LINGO1: variants seen among roughly 807,000 people sequenced by gnomAD.
LINGO1 encodes the protein leucine-rich repeat and immunoglobulin-like domain-containing nogo receptor-interacting protein 1.
A neutral mutation model predicts 37.3 loss-of-function variants in LINGO1; 11 were observed. That is an observed-to-expected ratio of 0.29 (90% confidence interval 0.19 to 0.49). The LOEUF is 0.49. Among genes scored for constraint, LINGO1 ranks in the 20% least tolerant of loss-of-function variants. LINGO1 has a pLI of 0.99. For missense variants in LINGO1, 585 were observed against 878.2 expected, an observed-to-expected ratio of 0.67 and a Z score of 4.22; for synonymous variants, 387 against 403.0, an observed-to-expected ratio of 0.96 and a Z score of 0.48.
intron 1 of LINGO1, among the ~76,000 whole-genome samples, chr15:77,768,291 C>G (rs1260574110): frequency 6.6e-6 from 1 of 152,158 alleles, no homozygotes; most frequent in Non-Finnish European, 1.5e-5. Context: ...AGACAGGAGG[C>G]CCTCAGCTTC....
At chr15:77,803,625 C>T (rs2076936585) in intron 1 of LINGO1, among the ~76,000 whole-genome samples, 1 of 152,108 alleles carries the variant, frequency 6.6e-6, no homozygotes, top group African/African-American at 2.4e-5. Context: ...GTGGATCCCT[C>T]ATGACTTGGT....
At chr15:77,717,838 C>G (rs2076003240) in intron 2 of LINGO1, among the ~76,000 whole-genome samples, 1 of 150,854 alleles carries the variant, frequency 6.6e-6, no homozygotes, top group South Asian at 2.1e-4. Flanking sequence ...TGGGGAAAGG[C>G]CCAGCCCAGC....
intron 1 of LINGO1, among the ~76,000 whole-genome samples, chr15:77,776,556 G>GGCAGGAAAGCAGGAAGGCA (rs1307931922): frequency 8.0e-5 from 12 of 150,752 alleles, no homozygotes; most frequent in East Asian, 3.9e-4. Context: ...GAGGGAGGGA[G>GGCAGGAAAGCAGGAAGGCA]GGAGCTGACT....
At chr15:77,633,737 C>T (rs2074336601), upstream of LINGO1, among the ~76,000 whole-genome samples, 1 of 152,220 alleles carries the variant, frequency 6.6e-6, no homozygotes. Flanking sequence ...CCCGGGGATC[C>T]TCGGCTGGGG....
intron 3 of LINGO1, among the ~76,000 whole-genome samples, chr15:77,657,082 C>T (rs567052761): frequency 8.5e-5 from 13 of 152,214 alleles, no homozygotes; most frequent in Non-Finnish European, 1.6e-4. Flanking sequence ...GGACAGTTGG[C>T]ATTTCCATGA....
intron 3 of LINGO1, among the ~76,000 whole-genome samples, chr15:77,664,439 G>A (rs1433092786): frequency 2.6e-5 from 4 of 152,032 alleles, no homozygotes; most frequent in Non-Finnish European, 5.9e-5. Flanking sequence ...GCCAAGCCCT[G>A]ACCCCATCCT....
chr15:77,725,538 G>A (rs2076093913), intron 2 of LINGO1, among the ~76,000 whole-genome samples: 1 of 152,096 alleles, frequency 6.6e-6, no homozygotes, highest in Admixed American at 6.5e-5. Context: ...ACTCTAGCCT[G>A]GACAACAGAG....
At chr15:77,746,240 C>T (rs900666491) in intron 1 of LINGO1, among the ~76,000 whole-genome samples, 2 of 149,104 alleles carry the variant, frequency 1.3e-5, no homozygotes, top group Admixed American at 1.3e-4. Flanking sequence ...GAACTGGGGA[C>T]AGGATCAATC....
upstream of LINGO1, chr15:77,634,147 T>A (rs1011243692): frequency 1.6e-4 from 66 of 419,608 alleles, no homozygotes; most frequent in Admixed American, 1.2e-3. Context: ...TGACACCCCC[T>A]CTCCCAGGAA....
chr15:77,804,794 G>C (rs910803752), intron 1 of LINGO1, among the ~76,000 whole-genome samples: 1 of 152,202 alleles, frequency 6.6e-6, no homozygotes, highest in Non-Finnish European at 1.5e-5. Context: ...ACACTGCTAA[G>C]TGAGCCTGCA....
chr15:77,692,937 G>A (rs572366983), intron 1 of LINGO1, among the ~76,000 whole-genome samples: 30 of 152,340 alleles, frequency 2.0e-4, no homozygotes, highest in African/African-American at 6.7e-4. Context: ...TACTGAACAC[G>A]AAACGCCTGT....
chr15:77,806,521 T>A (rs1316943536), intron 1 of LINGO1, among the ~76,000 whole-genome samples: 1 of 152,138 alleles, frequency 6.6e-6, no homozygotes, highest in Non-Finnish European at 1.5e-5. Flanking sequence ...CCACAGGGGA[T>A]GGGCATCCTG....
At chr15:77,786,680 C>G (rs542081642) in intron 1 of LINGO1, among the ~76,000 whole-genome samples, 1 of 152,196 alleles carries the variant, frequency 6.6e-6, no homozygotes, top group African/African-American at 2.4e-5. Context: ...ACCATCTCCT[C>G]GAATGACCTT....
At chr15:77,670,354 T>C (rs946186877) in intron 3 of LINGO1, among the ~76,000 whole-genome samples, 7 of 152,202 alleles carry the variant, frequency 4.6e-5, no homozygotes, top group Non-Finnish European at 8.8e-5. Context: ...GGCATGTGGA[T>C]TATATTTCAA....
chr15:77,705,307 G>A (rs1036492564), intron 2 of LINGO1, among the ~76,000 whole-genome samples: 2 of 152,022 alleles, frequency 1.3e-5, no homozygotes, highest in Non-Finnish European at 2.9e-5. Flanking sequence ...ATGCTCCTTG[G>A]CTCCCACCTC....
At chr15:77,701,200 T>A (rs763017173), upstream of LINGO1, among the ~76,000 whole-genome samples, 2 of 152,126 alleles carry the variant, frequency 1.3e-5, no homozygotes, top group Non-Finnish European at 2.9e-5. Context: ...GAAAGGTGAA[T>A]GACACAGGAA....
intron 2 of LINGO1, among the ~76,000 whole-genome samples, chr15:77,714,738 T>G (rs1328876133): frequency 2.6e-5 from 4 of 152,178 alleles, no homozygotes; most frequent in African/African-American, 9.7e-5. Context: ...CAGCATCCTC[T>G]CTTCCTCCCG....
At chr15:77,690,476 C>T (rs11854532) in intron 2 of LINGO1, among the ~76,000 whole-genome samples, 8,485 of 152,220 alleles carry the variant, frequency 0.056, 837 homozygotes, top group African/African-American at 0.19. Flanking sequence ...CTGGTTGCAC[C>T]GTTTGACTCA....
At chr15:77,658,430 T>C (rs1483327515) in intron 3 of LINGO1, among the ~76,000 whole-genome samples, 1 of 152,242 alleles carries the variant, frequency 6.6e-6, no homozygotes, top group East Asian at 1.9e-4. Flanking sequence ...GTGCTGGTGC[T>C]GAGCACCGTT....
Sources: allele counts gnomAD v4.1 joint callset (sites outside exome capture counted in the v4.1 genomes callset), GRCh38; gene constraint gnomAD v4.1.1; transcripts MANE v1.5; gene names NCBI Gene and HGNC (gene_info 2026-07-23, HGNC 2026-07-21).